UFM1: variants seen among roughly 807,000 people sequenced by gnomAD.
The protein encoded by UFM1 is ubiquitin fold modifier 1.
In UFM1, 9 loss-of-function variants were observed where a neutral mutation model predicts 15.4. That is an observed-to-expected ratio of 0.59 (90% CI 0.35 to 1.02). The LOEUF is 1.02. UFM1 is among the 50% of genes least tolerant of loss of function. The pLI, the probability that UFM1 is intolerant of heterozygous loss-of-function variation, is 0.02. For synonymous variants in UFM1, 27 were observed against 36.3 expected, an observed-to-expected ratio of 0.74 and a Z score of 0.92; for missense variants, 98 against 104.7, an observed-to-expected ratio of 0.94 and a Z score of 0.28.
Position 38,362,134 on chromosome 13 carries a change from G to A in UFM1, c.*1356G>A, listed in dbSNP as rs1879431189. ...TCCTGTATTCTGAATGGTGAACTCTGGAAGCAGGGATTGTGTCTGGCTCTT... is the reference window on the plus strand; with the variant it reads ...TCCTGTATTCTGAATGGTGAACTCTAGAAGCAGGGATTGTGTCTGGCTCTT... On this transcript the variant is annotated 3_prime_UTR_variant, in exon 6 of 6. Coordinates refer to ENST00000239878, the MANE Select transcript of UFM1 (RefSeq NM_016617.4). 6.6e-6 allele frequency: 1 copy of A among 152,160 alleles called. No homozygotes were observed. The allele number at this position is 152,160 out of a possible 1,614,324, so 9.4% of individuals were successfully genotyped here. A position where few individuals can be genotyped will look rare whatever the true frequency, so the allele number is the denominator to read the frequency against.
intron 5 of UFM1, 105 bp downstream of exon 5, chr13:38,359,438 G>C (rs1007213587): frequency 1.5e-6 from 2 of 1,319,092 alleles, no homozygotes; most frequent in East Asian, 4.7e-5. Context: ...TTAACATAAT[G>C]GAGCTGTTTT....
intron 2 of UFM1, 197 bp downstream of exon 2, chr13:38,350,252 A>G: frequency 1.3e-6 from 2 of 1,579,274 alleles, no homozygotes; most frequent in Non-Finnish European, 1.7e-6. Flanking sequence ...GCTAAGTGTC[A>G]GCTTGGCAGC....
In UFM1 at chr13:38,360,967, G is replaced by A. The variant is rs563022925; in HGVS notation, c.*189G>A. On this transcript the variant is annotated 3_prime_UTR_variant, in exon 6 of 6. Coordinates refer to ENST00000239878, the MANE Select transcript of UFM1 (RefSeq NM_016617.4). Reference sequence around the variant, plus strand: ...TGAAGAGGGAATGCGTATGAATTAAGGCTACTACTGTCACAGAAGATCATA... The same window carrying A: ...TGAAGAGGGAATGCGTATGAATTAAAGCTACTACTGTCACAGAAGATCATA... The A allele has an allele frequency of 5.4e-5, 24 of 447,080 alleles. No homozygotes were observed. In the South Asian group the frequency reaches 1.1e-3, roughly 21 times the overall value. 27.7% of individuals were successfully genotyped at this position (447,080 alleles called of 1,614,324 possible).
intron 3 of UFM1, among the ~76,000 whole-genome samples, chr13:38,357,468 T>C (rs75575750): frequency 6.6e-6 from 1 of 151,386 alleles, no homozygotes; most frequent in Non-Finnish European, 1.5e-5. Flanking sequence ...CTTTTATAAT[T>C]AATGGTGTCC....
At chr13:38,357,992 T>C (rs533567112) in intron 3 of UFM1, 101 bp from the exon 4 acceptor site, 5 of 505,742 alleles carry the variant, frequency 9.9e-6, no homozygotes, top group Admixed American at 4.5e-5. Flanking sequence ...TTTAGAATTA[T>C]AGAATTGGTA....
Position 38,358,084 on chromosome 13 carries a change from T to C in UFM1, c.118-9T>C. ...ATATATATATATATTTTTTTTTCCT[T>C]CTATTTAGTTTAAAGTTCCTGCTGC... On this transcript the variant is annotated splice_polypyrimidine_tract_variant and intron_variant, in intron 3 of 5. Transcript: ENST00000239878. 1.5e-6 allele frequency: 2 copies of C among 1,369,234 alleles called. No individual in the cohort carries two copies. Among genetic ancestry groups the C allele is most frequent in the South Asian group, 1.6e-5 (1 of 64,016 alleles). The allele number at this position is 1,369,234 out of a possible 1,614,324, so 84.8% of individuals were successfully genotyped here.
rs928876960 is a variant in UFM1 at position 38,363,530 on chromosome 13, G to A, written c.*2752G>A. On this transcript the variant is annotated 3_prime_UTR_variant, in exon 6 of 6. Transcript: ENST00000239878. ...AAAAAAAAAGTTGAGAAGAAAATGG[G>A]GTTATTGTAACTGGCTAGGTTGGTA... 6.6e-6 allele frequency: 1 copy of A among 151,316 alleles called. No individual in the cohort carries two copies. Among genetic ancestry groups the A allele is most frequent in the Admixed American group, 6.6e-5 (1 of 15,210 alleles). 9.4% of individuals were successfully genotyped at this position (151,316 alleles called of 1,614,324 possible). A position where few individuals can be genotyped will look rare whatever the true frequency, so the allele number is the denominator to read the frequency against.
intron 2 of UFM1, among the ~76,000 whole-genome samples, chr13:38,351,678 T>C (rs1878858332): frequency 6.6e-6 from 1 of 152,124 alleles, no homozygotes; most frequent in Admixed American, 6.5e-5. Flanking sequence ...TTCTCATCAA[T>C]ATGCAAATGT....
At chr13:38,352,563 A>AT (rs1878910804) in intron 2 of UFM1, among the ~76,000 whole-genome samples, 1 of 152,206 alleles carries the variant, frequency 6.6e-6, no homozygotes, top group Non-Finnish European at 1.5e-5. Context: ...ATTAATGTAA[A>AT]TTTATTCAAA....
At chr13:38,354,108 C>T in intron 2 of UFM1, 131 bp from the exon 3 acceptor site, 1 of 702,508 alleles carries the variant, frequency 1.4e-6, no homozygotes, top group Non-Finnish European at 2.4e-6. Context: ...AGTATGCAAT[C>T]AAAATCACTA....
chr13:38,360,331 A>G (rs1384629028), intron 5 of UFM1, among the ~76,000 whole-genome samples: 1 of 152,010 alleles, frequency 6.6e-6, no homozygotes, highest in Non-Finnish European at 1.5e-5. Flanking sequence ...AGAAAATCTC[A>G]TCAGGCAATT....
At chr13:38,355,830 CAT>C (rs948756148) in intron 3 of UFM1, among the ~76,000 whole-genome samples, 8 of 151,780 alleles carry the variant, frequency 5.3e-5, no homozygotes, top group African/African-American at 1.7e-4. Flanking sequence ...CACAAGATAA[CAT>C]TGTAGAATCA....
chr13:38,360,094 AT>A, intron 5 of UFM1: 1 of 382,468 alleles, frequency 2.6e-6, no homozygotes, highest in Admixed American at 2.9e-5. Context: ...AAAATTGCAA[AT>A]TTTTGTTACT....
In UFM1 at chr13:38,361,594, G is replaced by C. The variant is rs193053830; in HGVS notation, c.*816G>C. ...TAGCATTCAGGAACAGAGTATTATT[G>C]CACAGATCTGAAGATCAAAAAAAAG... On this transcript the variant is annotated 3_prime_UTR_variant, in exon 6 of 6. Coordinates refer to ENST00000239878, the MANE Select transcript of UFM1 (RefSeq NM_016617.4). The C allele has an allele frequency of 2.0e-4, 31 of 152,276 alleles. No individual in the cohort carries two copies. Among genetic ancestry groups the C allele is most frequent in the Non-Finnish European group, 2.5e-4 (17 of 68,014 alleles). The allele number at this position is 152,276 out of a possible 1,614,324, so 9.4% of individuals were successfully genotyped here. A position where few individuals can be genotyped will look rare whatever the true frequency, so the allele number is the denominator to read the frequency against.
At position 38,350,073 on chromosome 13, in the gene UFM1, G is replaced by C. The variant is rs753173366; in HGVS notation, c.59+18G>C. On this transcript the variant is annotated intron_variant, in intron 2 of 5. Transcript: ENST00000239878. ...TACAAAGTGTGAGTAGCTCGGCCGA[G>C]ATGGGCCTTTTGGGGCCGGACAAGA... The C allele has an allele frequency of 1.2e-6, 2 of 1,614,208 alleles. No homozygotes were observed. Among genetic ancestry groups the C allele is most frequent in the Non-Finnish European group, 8.5e-7 (1 of 1,180,034 alleles).
intron 2 of UFM1, among the ~76,000 whole-genome samples, chr13:38,353,751 T>A (rs2150468): frequency 6.6e-6 from 1 of 151,870 alleles, no homozygotes; most frequent in Admixed American, 6.6e-5. Context: ...AACATGATTA[T>A]TAAGAGTACA....
At chr13:38,350,121 C>T in intron 2 of UFM1, 66 bp downstream of exon 2, 1 of 1,614,194 alleles carries the variant, frequency 6.2e-7, no homozygotes, top group Non-Finnish European at 8.5e-7. Context: ...GGGGATGATC[C>T]GAGCTTTTCC....
chr13:38,352,837 C>T (rs2481878), intron 2 of UFM1, among the ~76,000 whole-genome samples: 3,568 of 152,150 alleles, frequency 0.023, 165 homozygotes, highest in African/African-American at 0.083. Flanking sequence ...TCCAAGTCTC[C>T]GATTTAAAAG....
rs1217698233 is a variant in UFM1 at position 38,350,028 on chromosome 13, C to T, written c.32C>T (p.Thr11Met). MSKVSFKITL[T>M]SDPRLPYKVL... is the part of the protein sequence containing the mutation. The stretch of plus-strand genomic sequence containing the variant: ...AAGGTTTCCTTTAAGATCACGCTGA[C>T]GTCGGACCCACGGCTGCCGTACAAA... The change falls in exon 2 of 6, where the codon ACG (threonine) becomes ATG (methionine). Residue 11 changes from threonine to methionine, a missense_variant. Coordinates refer to ENST00000239878, the MANE Select transcript of UFM1 (RefSeq NM_016617.4). 23 of 1,614,236 alleles carry T rather than the reference C, an allele frequency of 1.4e-5. No homozygotes were observed. Among genetic ancestry groups the T allele is most frequent in the South Asian group, 3.3e-5 (3 of 91,088 alleles).
Sources: allele counts gnomAD v4.1 joint callset (sites outside exome capture counted in the v4.1 genomes callset), GRCh38; gene constraint gnomAD v4.1.1; transcripts MANE v1.5; gene names NCBI Gene and HGNC (gene_info 2026-07-23, HGNC 2026-07-21).